SHLD1: variants seen among roughly 807,000 people sequenced by gnomAD.
SHLD1 encodes shieldin complex subunit 1, also known as RINN1-REV7-interacting novel NHEJ regulator 3.
In SHLD1, 3 loss-of-function variants were observed where a neutral mutation model predicts 5.5. That is an observed-to-expected ratio of 0.54 (90% CI 0.25 to 1.40). SHLD1 has a LOEUF of 1.40. SHLD1 is among the 40% of genes most tolerant of loss of function. SHLD1 has a pLI of 0.15. For missense variants in SHLD1, 210 were observed against 244.4 expected, an observed-to-expected ratio of 0.86 and a Z score of 0.94; for synonymous variants, 92 against 94.3, an observed-to-expected ratio of 0.98 and a Z score of 0.14.
rs1369652331 is a variant in SHLD1 at position 5,797,472 on chromosome 20, G to A, written c.178+24429G>A. ...AGCTACTCAAGAGGCAGAGGTGGGA[G>A]GATTGCTTGAGTCCTGGAGGTCAAG... On this transcript the variant is annotated intron_variant, in intron 2 of 2. Transcript: ENST00000303142. Among the ~76,000 whole-genome samples the A allele has an allele frequency of 3.3e-5, 5 of 152,154 alleles. No individual in the cohort carries two copies. The East Asian group carries it at 7.7e-4, about 23-fold the overall frequency.
At chr20:5,822,513 G>T (rs1234682685) in intron 2 of SHLD1, among the ~76,000 whole-genome samples, 1 of 145,112 alleles carries the variant, frequency 6.9e-6, no homozygotes, top group Non-Finnish European at 1.6e-5. Context: ...GCTCAGAGCT[G>T]TGTTGCTTTG....
chr20:5,804,340 G>A (rs184133501), intron 2 of SHLD1, among the ~76,000 whole-genome samples: 36 of 111,902 alleles, frequency 3.2e-4, no homozygotes, highest in East Asian at 1.5e-3. Flanking sequence ...TTTGTATATC[G>A]CAAAAAAAAA....
intron 2 of SHLD1, among the ~76,000 whole-genome samples, chr20:5,782,188 T>C (rs147855165): frequency 6.6e-6 from 1 of 152,318 alleles, no homozygotes; most frequent in Non-Finnish European, 1.5e-5. Context: ...GTTAGATACT[T>C]GTTTTCTTTC....
At chr20:5,812,951 C>CTTA (rs2087479675) in intron 2 of SHLD1, among the ~76,000 whole-genome samples, 1 of 151,894 alleles carries the variant, frequency 6.6e-6, no homozygotes, top group Non-Finnish European at 1.5e-5. Context: ...CGTGGCTTAC[C>CTTA]ACAGCCTCAA....
intron 2 of SHLD1, among the ~76,000 whole-genome samples, chr20:5,860,126 A>G (rs1236999268): frequency 1.4e-5 from 2 of 140,318 alleles, no homozygotes; most frequent in African/African-American, 5.4e-5. Flanking sequence ...CCCAACCCCT[A>G]CCCAGGACAA....
intron 2 of SHLD1, among the ~76,000 whole-genome samples, chr20:5,800,014 C>CAAATG (rs1158352272): frequency 1.1e-4 from 4 of 36,562 alleles, no homozygotes; most frequent in East Asian, 0.083. Context: ...CAGTGGTTCT[C>CAAATG]AAAGTGATTT....
chr20:5,848,683 T>A (rs547872854), intron 2 of SHLD1, among the ~76,000 whole-genome samples: 1 of 152,342 alleles, frequency 6.6e-6, no homozygotes, highest in Non-Finnish European at 1.5e-5. Context: ...AAGAAAAATA[T>A]AAAATGCCAA....
At chr20:5,766,536 C>A (rs1238156773) in intron 1 of SHLD1, among the ~76,000 whole-genome samples, 3 of 152,106 alleles carry the variant, frequency 2.0e-5, no homozygotes, top group Admixed American at 6.6e-5. Context: ...CTGCGTTCAT[C>A]CTAGCTTGGC....
intron 1 of SHLD1, among the ~76,000 whole-genome samples, chr20:5,762,939 C>T (rs1196020028): frequency 7.1e-6 from 1 of 140,480 alleles, no homozygotes; most frequent in Non-Finnish European, 1.5e-5. Flanking sequence ...CGCCGTTGCA[C>T]TCTAACCTGG....
intron 2 of SHLD1, among the ~76,000 whole-genome samples, chr20:5,803,541 A>G (rs2087328565): frequency 6.6e-6 from 1 of 152,092 alleles, no homozygotes; most frequent in Admixed American, 6.6e-5. Context: ...GCTTCAGGGG[A>G]GTCTCCAGAA....
intron 2 of SHLD1, among the ~76,000 whole-genome samples, chr20:5,789,175 T>A (rs527445889): frequency 6.8e-6 from 1 of 147,504 alleles, no homozygotes; most frequent in Non-Finnish European, 1.5e-5. Context: ...TGATGTCTGA[T>A]TTTTCTTTAT....
At chr20:5,754,492 C>G (rs1451464843) in intron 1 of SHLD1, among the ~76,000 whole-genome samples, 1 of 152,108 alleles carries the variant, frequency 6.6e-6, no homozygotes, top group Non-Finnish European at 1.5e-5. Context: ...TATGTCTGAC[C>G]TCCTTTCCCA....
At chr20:5,813,954 T>C (rs1245373131) in intron 2 of SHLD1, among the ~76,000 whole-genome samples, 1 of 134,788 alleles carries the variant, frequency 7.4e-6, no homozygotes, top group African/African-American at 2.9e-5. Flanking sequence ...TCTTTTTTTT[T>C]TTTTTTTTTT....
intron 2 of SHLD1, among the ~76,000 whole-genome samples, chr20:5,860,876 T>TAA (rs10555301): frequency 0.012 from 1,164 of 100,646 alleles, 32 homozygotes; most frequent in Non-Finnish European, 0.015. Flanking sequence ...TACTATTCTT[T>TAA]AAAAAAAAAA....
At chr20:5,852,035 G>A (rs1369463318) in intron 2 of SHLD1, among the ~76,000 whole-genome samples, 3 of 151,756 alleles carry the variant, frequency 2.0e-5, no homozygotes, top group Admixed American at 6.6e-5. Context: ...TCCTACTTTG[G>A]CTGTGTGACA....
rs879892896 is a variant in SHLD1, at chr20:5,806,517, T to C, written c.178+33474T>C. 6.6e-6 allele frequency among the ~76,000 whole-genome samples: 1 copy of C among 152,204 alleles called. No homozygotes were observed. The highest frequency in any genetic ancestry group is 1.5e-5 in the Non-Finnish European group (1 of 68,040). On this transcript the variant is annotated intron_variant, in intron 2 of 2. Coordinates refer to ENST00000303142, the MANE Select transcript of SHLD1 (RefSeq NM_152504.4). The surrounding 1 kb of genome is among the most constrained non-coding windows in gnomAD (Gnocchi z 7.6). ...CTCTCCTACCAGTCAGGCATGCAGTTTTGATAAACTACCTCCCAAGTTCTG... is the reference window on the plus strand; with the variant it reads ...CTCTCCTACCAGTCAGGCATGCAGTCTTGATAAACTACCTCCCAAGTTCTG...
chr20:5,849,181 T>C (rs1411873585), intron 2 of SHLD1, among the ~76,000 whole-genome samples: 1 of 152,150 alleles, frequency 6.6e-6, no homozygotes, highest in Admixed American at 6.6e-5. Flanking sequence ...ACTAATAAGA[T>C]AGGATGTAAG....
chr20:5,780,547 C>T (rs1009128556), intron 2 of SHLD1, among the ~76,000 whole-genome samples: 1 of 152,048 alleles, frequency 6.6e-6, no homozygotes, highest in African/African-American at 2.4e-5. Context: ...GAGTAGTAGG[C>T]CAAGGAAGGG....
At chr20:5,812,900 G>T (rs1297014901) in intron 2 of SHLD1, among the ~76,000 whole-genome samples, 9 of 151,668 alleles carry the variant, frequency 5.9e-5, no homozygotes, top group African/African-American at 2.2e-4. Flanking sequence ...ATTGAGACGG[G>T]GTCTCACTCT....
Sources: gnomAD v4.1 joint callset for allele counts (sites outside exome capture counted in the v4.1 genomes callset) on GRCh38, gnomAD v4.1.1 for gene constraint, Gnocchi (gnomAD v3.1) non-coding constraint, MANE v1.5 for transcripts, NCBI Gene and HGNC (gene_info 2026-07-23, HGNC 2026-07-21) for gene names.